Variants in USP47 observed in about 807,000 individuals in gnomAD.
The protein encoded by USP47 is ubiquitin specific peptidase 47, also known as ubiquitin carboxyl-terminal hydrolase 47.
A neutral mutation model predicts 165.1 loss-of-function variants in USP47; 35 were observed. The ratio of observed to expected loss-of-function variants is 0.21; its 90% confidence interval spans 0.16 to 0.28. The LOEUF is 0.28. USP47 is among the 10% of genes least tolerant of loss of function. The probability of loss-of-function intolerance (pLI) is 1.00; values close to 1 mark genes in which losing one functional copy is unlikely to be tolerated. For missense variants in USP47, 1,277 were observed against 1,607.4 expected (o/e 0.79, Z 3.52); for synonymous variants, 531 against 544.5 (o/e 0.98, Z 0.35).
chr11:11,907,269 A>AGTG (rs1852633622), intron 8 of USP47, among the ~76,000 whole-genome samples: 1 of 152,186 alleles, frequency 6.6e-6, no homozygotes, highest in African/African-American at 2.4e-5. Flanking sequence ...GGGTGGTAGT[A>AGTG]GTGGTGGTGG....
At chr11:11,853,977 T>TA (rs1379513055) in intron 1 of USP47, among the ~76,000 whole-genome samples, 3 of 150,774 alleles carry the variant, frequency 2.0e-5, no homozygotes, top group African/African-American at 4.9e-5. Context: ...TAAAATAAAA[T>TA]AAAAAAAATT....
chr11:11,917,169 T>A (rs555640198), intron 8 of USP47, among the ~76,000 whole-genome samples: 45 of 152,110 alleles, frequency 3.0e-4, no homozygotes, highest in East Asian at 3.9e-4. Context: ...ATGAATTGGG[T>A]TGGCATCATA....
rs765031752 is a variant in USP47, at chr11:11,922,812, A to G, written c.1307A>G (p.Asn436Ser). 33 of 1,611,710 alleles carry G rather than the reference A, an allele frequency of 2.0e-5. No individual in the cohort carries two copies. The highest frequency in any genetic ancestry group is 2.5e-5 in the Non-Finnish European group (29 of 1,178,546). Residue 436 changes from asparagine to serine, a missense_variant, in exon 11 of 28, where the codon AAT becomes AGT. Asn to Ser is a conservative substitution (Grantham distance 46). Coordinates refer to ENST00000527733, the MANE Select transcript of USP47 (RefSeq NM_001282659.2). Reference protein sequence around the residue: ...HSDQMSNDFSNDDGVDEGICL... With the variant: ...HSDQMSNDFSSDDGVDEGICL... ...GATCAGATGAGCAACGATTTCTCCA[A>G]TGATGATGGTGTTGATGAAGGAATC...
chr11:11,857,078 AAAT>A (rs1451930244), intron 1 of USP47, among the ~76,000 whole-genome samples: 1 of 152,084 alleles, frequency 6.6e-6, no homozygotes, highest in Non-Finnish European at 1.5e-5. Flanking sequence ...TATTTAATAA[AAAT>A]AAAATATTTA....
At chr11:11,866,855 A>G (rs1849713817) in intron 1 of USP47, among the ~76,000 whole-genome samples, 1 of 151,832 alleles carries the variant, frequency 6.6e-6, no homozygotes, top group South Asian at 2.1e-4. Context: ...TTTTAAGGTA[A>G]TCTGTTGTTC....
chr11:11,868,594 A>G (rs1478698484), intron 1 of USP47, among the ~76,000 whole-genome samples: 2 of 152,182 alleles, frequency 1.3e-5, no homozygotes, highest in Non-Finnish European at 2.9e-5. Flanking sequence ...AAGCTGCTAT[A>G]AGCATTCCTG....
At chr11:11,864,567 T>C (rs1039520105) in intron 1 of USP47, among the ~76,000 whole-genome samples, 4 of 151,920 alleles carry the variant, frequency 2.6e-5, no homozygotes, top group Admixed American at 2.6e-4. Flanking sequence ...CAACCACCAT[T>C]CTACTTTCCA....
chr11:11,892,142 A>G (rs769307292), intron 4 of USP47, 36 bp downstream of exon 4: 5 of 1,591,974 alleles, frequency 3.1e-6, no homozygotes, highest in Non-Finnish European at 3.4e-6. Context: ...ATCATAGGGC[A>G]TTAGATCCAA....
chr11:11,908,769 C>G (rs917072631), intron 8 of USP47, among the ~76,000 whole-genome samples: 1 of 152,002 alleles, frequency 6.6e-6, no homozygotes, highest in African/African-American at 2.4e-5. Flanking sequence ...TGTTAGATTT[C>G]TGATCTTCAT....
chr11:11,906,466 T>C (rs1852570621), intron 8 of USP47, among the ~76,000 whole-genome samples: 1 of 152,208 alleles, frequency 6.6e-6, no homozygotes, highest in Admixed American at 6.5e-5. Flanking sequence ...GGTTTAGTCC[T>C]CTGGCCTCTA....
intron 7 of USP47, among the ~76,000 whole-genome samples, chr11:11,903,839 A>G (rs1403070447): frequency 2.6e-5 from 4 of 152,158 alleles, no homozygotes; most frequent in African/African-American, 9.6e-5. Flanking sequence ...TGGAAAGAAC[A>G]TTAGATGTTG....
At chr11:11,905,742 A>G (rs1463859557) in intron 8 of USP47, among the ~76,000 whole-genome samples, 194 bp downstream of exon 8, 1 of 152,090 alleles carries the variant, frequency 6.6e-6, no homozygotes, top group Non-Finnish European at 1.5e-5. Context: ...GTATTATAAG[A>G]GAGAAAGTGA....
intron 8 of USP47, among the ~76,000 whole-genome samples, chr11:11,914,988 C>T (rs538264578): frequency 1.3e-5 from 2 of 152,102 alleles, no homozygotes; most frequent in East Asian, 3.9e-4. Flanking sequence ...GTCATTTATC[C>T]CAGAAAAATT....
At chr11:11,925,535 T>C (rs964066569) in intron 11 of USP47, among the ~76,000 whole-genome samples, 1 of 152,176 alleles carries the variant, frequency 6.6e-6, no homozygotes, top group Non-Finnish European at 1.5e-5. Context: ...GGATTGTTAG[T>C]GTTAGTGAAA....
chr11:11,890,563 G>A (rs2134369921), intron 3 of USP47, among the ~76,000 whole-genome samples: 1 of 152,286 alleles, frequency 6.6e-6, no homozygotes, highest in South Asian at 2.1e-4. Flanking sequence ...CAAGGTTGTG[G>A]AGAGTAAATT....
chr11:11,925,397 C>T (rs1290537616), intron 11 of USP47, among the ~76,000 whole-genome samples: 4 of 152,172 alleles, frequency 2.6e-5, no homozygotes, highest in Non-Finnish European at 5.9e-5. Context: ...GCCACCGCAC[C>T]CGGCCTCCTT....
chr11:11,945,828 C>T (rs754168293), intron 20 of USP47, among the ~76,000 whole-genome samples: 8 of 151,270 alleles, frequency 5.3e-5, no homozygotes, highest in Non-Finnish European at 1.2e-4. Flanking sequence ...CTAGCTACTT[C>T]GGAGGCTGAG....
At chr11:11,909,149 A>G (rs1338443899) in intron 8 of USP47, among the ~76,000 whole-genome samples, 2 of 152,092 alleles carry the variant, frequency 1.3e-5, no homozygotes, top group African/African-American at 4.8e-5. Flanking sequence ...CTTTGTTTAT[A>G]TTTGTGTCCT....
At position 11,918,510 on chromosome 11, in the gene USP47, A is replaced by G. The variant is rs76840850; in HGVS notation, c.970-1646A>G. Among the ~76,000 whole-genome samples, 305 of 152,220 alleles carry G rather than the reference A, an allele frequency of 2.0e-3. 2 individuals are homozygous for G. The highest frequency in any genetic ancestry group is 7.0e-3 in the African/African-American group (292 of 41,554). On this transcript the variant is annotated intron_variant, in intron 8 of 27. Transcript: ENST00000527733. ...AGAATATCTTTATTCTTAAAAAGTC[A>G]TATTGAAGTTAAGAGGCAAAGCATG...
Sources: allele counts gnomAD v4.1 joint callset (sites outside exome capture counted in the v4.1 genomes callset), GRCh38; gene constraint gnomAD v4.1.1; transcripts MANE v1.5; gene names NCBI Gene and HGNC (gene_info 2026-07-23, HGNC 2026-07-21).